EPHA3: variants seen among roughly 807,000 people sequenced by gnomAD.
The protein encoded by EPHA3 is EPH receptor A3.
In EPHA3, 42 loss-of-function variants were observed where a neutral mutation model predicts 107.1. The observed-to-expected ratio is 0.39, with a 90% CI of 0.31 to 0.51. The LOEUF is 0.51. EPHA3 is among the 20% of genes least tolerant of loss of function. The pLI is 0.78. For missense variants in EPHA3, 1,183 were observed against 1,211.2 expected (o/e 0.98, Z 0.35); for synonymous variants, 461 against 424.8 (o/e 1.09, Z -1.05).
At chr3:89,384,593 T>G (rs1187515497) in intron 5 of EPHA3, among the ~76,000 whole-genome samples, 1 of 152,202 alleles carries the variant, frequency 6.6e-6, no homozygotes, top group Non-Finnish European at 1.5e-5. Context: ...TATTGCCTTT[T>G]AAAAATTCAC....
chr3:89,369,776 C>G (rs1424256053), intron 5 of EPHA3, among the ~76,000 whole-genome samples: 1,166 of 118,952 alleles, frequency 9.8e-3, no homozygotes, highest in African/African-American at 0.013. Flanking sequence ...GGGCTAATAT[C>G]CAGAATCTAC....
intron 5 of EPHA3, among the ~76,000 whole-genome samples, chr3:89,347,992 T>G (rs1440131525): frequency 6.6e-6 from 1 of 150,898 alleles, no homozygotes; most frequent in Admixed American, 6.6e-5. Context: ...ATAAGCTTTT[T>G]GATGTGCTGC....
chr3:89,196,107 T>G (rs1471053427), intron 2 of EPHA3, among the ~76,000 whole-genome samples: 2 of 152,144 alleles, frequency 1.3e-5, no homozygotes, highest in Non-Finnish European at 2.9e-5. Flanking sequence ...GATTCTTTAC[T>G]GCTGTTTCCT....
intron 2 of EPHA3, among the ~76,000 whole-genome samples, chr3:89,165,821 G>C (rs934345901): frequency 1.3e-5 from 2 of 152,152 alleles, no homozygotes; most frequent in Admixed American, 1.3e-4. Flanking sequence ...TGGTCATGCT[G>C]TGGCTACACT....
chr3:89,372,759 G>A lies in EPHA3; in HGVS notation c.1307-23078G>A, dbSNP rs376887998. 6.6e-5 allele frequency among the ~76,000 whole-genome samples: 10 copies of A among 151,742 alleles called. No individual in the cohort carries two copies. The East Asian group carries it at 7.7e-4, about 12-fold the overall frequency. ...GACTGTGGTTAACATTATTCTTGAT[G>A]AATGAGACAGTTACCTTAAAACATA... On this transcript the variant is annotated intron_variant, in intron 5 of 16. Coordinates refer to ENST00000336596, the MANE Select transcript of EPHA3 (RefSeq NM_005233.6).
In EPHA3 at chr3:89,125,675, G is replaced by A. The variant is rs143388397; in HGVS notation, c.89-1534G>A. 9.9e-5 allele frequency among the ~76,000 whole-genome samples: 15 copies of A among 151,544 alleles called. No homozygotes were observed. The South Asian group carries it at 2.1e-3, about 21-fold the overall frequency. ...TGGGAAAAAATTCTTTAATCATTAAGGAATTATAATATAAAAGGTAAAGTT... is the reference window on the plus strand; with the variant it reads ...TGGGAAAAAATTCTTTAATCATTAAAGAATTATAATATAAAAGGTAAAGTT... On this transcript the variant is annotated intron_variant, in intron 1 of 16. Coordinates refer to ENST00000336596, the MANE Select transcript of EPHA3 (RefSeq NM_005233.6).
intron 3 of EPHA3, among the ~76,000 whole-genome samples, chr3:89,308,993 T>A (rs1451662686): frequency 6.6e-6 from 1 of 152,100 alleles, no homozygotes; most frequent in Non-Finnish European, 1.5e-5. Flanking sequence ...TTCTGAGAAG[T>A]GTTCTAGAAG....
chr3:89,259,265 G>A (rs1195053555), intron 3 of EPHA3, among the ~76,000 whole-genome samples: 1 of 152,108 alleles, frequency 6.6e-6, no homozygotes, highest in Non-Finnish European at 1.5e-5. Context: ...TGCAGGGACA[G>A]GCCATCCTTG....
intron 3 of EPHA3, among the ~76,000 whole-genome samples, chr3:89,280,619 G>A (rs565507572): frequency 5.2e-4 from 79 of 152,216 alleles, no homozygotes; most frequent in Middle Eastern, 3.4e-3. Context: ...GTAGTTACAA[G>A]ACATGCATTT....
In EPHA3 at chr3:89,450,359, T is replaced by G. The variant is rs2107555520; in HGVS notation, c.2679T>G (p.Ser893Arg). Residue 893 changes from serine to arginine, a missense_variant, in exon 15 of 17, where the codon AGT (serine) becomes AGG (arginine). Ser to Arg is a moderately radical substitution (Grantham distance 110). Coordinates refer to ENST00000336596, the MANE Select transcript of EPHA3 (RefSeq NM_005233.6). Reference sequence around the variant, plus strand: ...CCGGCAGCCTGAAGATCATCACCAGTGCAGCCGCAAGGTGACACATTCAAT... The same window carrying G: ...CCGGCAGCCTGAAGATCATCACCAGGGCAGCCGCAAGGTGACACATTCAAT... ...RNPGSLKIIT[S>R]AAARPSNLLL... 1 of 1,612,596 alleles carries G rather than the reference T, an allele frequency of 6.2e-7. No homozygotes were observed. Among genetic ancestry groups the G allele is most frequent in the Non-Finnish European group, 8.5e-7 (1 of 1,179,176 alleles).
intron 5 of EPHA3, among the ~76,000 whole-genome samples, chr3:89,358,770 T>G (rs1040309358): frequency 7.3e-5 from 11 of 151,366 alleles, no homozygotes; most frequent in Admixed American, 6.0e-4. Context: ...TTACACATGA[T>G]GCTAAAAAAC....
At chr3:89,319,556 A>G (rs1706992458) in intron 3 of EPHA3, among the ~76,000 whole-genome samples, 1 of 151,976 alleles carries the variant, frequency 6.6e-6, no homozygotes, top group South Asian at 2.1e-4. Context: ...CGTAGTCACC[A>G]GAGAGCCAGA....
At chr3:89,400,869 G>T (rs1232363473) in intron 7 of EPHA3, among the ~76,000 whole-genome samples, 1 of 151,928 alleles carries the variant, frequency 6.6e-6, no homozygotes, top group East Asian at 1.9e-4. Flanking sequence ...CTGTTGTAAG[G>T]TAGCCTAGAA....
At position 89,258,283 on chromosome 3, in the gene EPHA3, C is replaced by T. The variant is rs577552545; in HGVS notation, c.814+47763C>T. On this transcript the variant is annotated intron_variant, in intron 3 of 16. Transcript: ENST00000336596. ...TCCAGGATAGGGATGACGAGAGAAA[C>T]GACAAGCAAGTGTGATATGTGATCT... Among the ~76,000 whole-genome samples, 6 of 152,176 alleles carry T rather than the reference C, an allele frequency of 3.9e-5. No homozygotes were observed. In the East Asian group the frequency reaches 7.7e-4, roughly 20 times the overall value.
chr3:89,230,472 G>GT (rs986294996), intron 3 of EPHA3, among the ~76,000 whole-genome samples: 1 of 152,034 alleles, frequency 6.6e-6, no homozygotes, highest in East Asian at 1.9e-4. Context: ...GCTGTGGAAT[G>GT]TTTTTAAGTA....
rs74885728 is a variant in EPHA3 at position 89,359,445 on chromosome 3, A to G, written c.1306+17355A>G. On this transcript the variant is annotated intron_variant, in intron 5 of 16. Coordinates refer to ENST00000336596, the MANE Select transcript of EPHA3 (RefSeq NM_005233.6). The stretch of plus-strand genomic sequence containing the variant: ...CACTATTTTATCTATGTTAATCTAC[A>G]TGCACACTTTGTTGAGAAGTAAGAA... Among the ~76,000 whole-genome samples the G allele has an allele frequency of 1.6e-4, 24 of 150,790 alleles. No individual in the cohort carries two copies. In the East Asian group the frequency reaches 4.7e-3, roughly 29 times the overall value.
intron 2 of EPHA3, among the ~76,000 whole-genome samples, chr3:89,208,478 G>GAAAGAA (rs1559600950): frequency 1.7e-5 from 2 of 118,240 alleles, no homozygotes; most frequent in African/African-American, 6.8e-5. Context: ...AAGAAAGAAA[G>GAAAGAA]AAAGAGAAAA....
At chr3:89,193,969 C>T (rs561940000) in intron 2 of EPHA3, among the ~76,000 whole-genome samples, 4 of 151,916 alleles carry the variant, frequency 2.6e-5, no homozygotes, top group African/African-American at 7.2e-5. Context: ...TGCTTGTACA[C>T]ACATTCACAT....
At chr3:89,158,950 CT>C (rs966226496) in intron 2 of EPHA3, among the ~76,000 whole-genome samples, 5 of 151,824 alleles carry the variant, frequency 3.3e-5, no homozygotes, top group African/African-American at 4.8e-5. Context: ...GAAATAACTA[CT>C]TTTTTTTGTT....
Sources: allele counts gnomAD v4.1 joint callset (sites outside exome capture counted in the v4.1 genomes callset), GRCh38; gene constraint gnomAD v4.1.1; transcripts MANE v1.5; gene names NCBI Gene and HGNC (gene_info 2026-07-23, HGNC 2026-07-21).